The following LIG1 variants were observed in gnomAD, a reference collection of about 807,000 sequenced individuals.
LIG1 encodes the protein ligase I, DNA, ATP-dependent.
Under a neutral mutation model 115.7 loss-of-function variants are expected in LIG1, and 70 were observed. The observed-to-expected ratio is 0.60, with a 90% CI of 0.50 to 0.74. LIG1 has a LOEUF of 0.74. Ranked by LOEUF, LIG1 falls within the 30% of genes least tolerant of loss-of-function variation. The pLI is 0.00. For missense variants in LIG1, 1,115 were observed against 1,225.6 expected, an observed-to-expected ratio of 0.91 and a Z score of 1.35; for synonymous variants, 487 against 495.3, an observed-to-expected ratio of 0.98 and a Z score of 0.22.
chr19:48,118,784 C>G (rs146123533), intron 25 of LIG1, among the ~76,000 whole-genome samples: 1 of 152,312 alleles, frequency 6.6e-6, no homozygotes, highest in Non-Finnish European at 1.5e-5. Context: ...GACACTCATG[C>G]CTGAAATGCC....
Position 48,117,712 on chromosome 19 carries a change from C to G in LIG1, c.2509G>C (p.Asp837His). The G allele has an allele frequency of 1.2e-6, 2 of 1,612,950 alleles. No homozygotes were observed. The highest frequency in any genetic ancestry group is 1.7e-6 in the Non-Finnish European group (2 of 1,179,716). Reference sequence around the variant, plus strand: ...TTCACCTCCCACACAGCGCTGGGGTCCAGCCAGTGGTCGGGAATCACAGCG... The same window carrying G: ...TTCACCTCCCACACAGCGCTGGGGTGCAGCCAGTGGTCGGGAATCACAGCG... ...DGAVIPDHWL[D>H]PSAVWEVKCA... Residue 837 changes from aspartate to histidine, a missense_variant, in exon 26 of 28, where the codon GAC becomes CAC. Coordinates refer to ENST00000263274, the MANE Select transcript of LIG1 (RefSeq NM_000234.3).
At chr19:48,127,242 C>T (rs377738521) in intron 21 of LIG1, 35 bp downstream of exon 21, 22 of 1,577,122 alleles carry the variant, frequency 1.4e-5, no homozygotes, top group African/African-American at 8.1e-5. Flanking sequence ...CCCCGTCACC[C>T]CTCAGCTGCC....
intron 7 of LIG1, among the ~76,000 whole-genome samples, chr19:48,150,959 C>T (rs1304434052): frequency 6.6e-6 from 1 of 151,976 alleles, no homozygotes; most frequent in Non-Finnish European, 1.5e-5. Flanking sequence ...CCTCAGCCTC[C>T]CAAAGAGCTA....
intron 6 of LIG1, among the ~76,000 whole-genome samples, chr19:48,153,204 A>AG: frequency 6.6e-6 from 1 of 151,722 alleles, no homozygotes; most frequent in East Asian, 1.9e-4. Flanking sequence ...AAAAAAAAAA[A>AG]AAAAAAAAAG....
At chr19:48,164,360 C>G (rs546003140) in intron 2 of LIG1, among the ~76,000 whole-genome samples, 1 of 152,290 alleles carries the variant, frequency 6.6e-6, no homozygotes, top group East Asian at 1.9e-4. Flanking sequence ...GATGGATGCC[C>G]TTGTCTGGGT....
At chr19:48,157,893 C>A (rs1365113426) in intron 4 of LIG1, among the ~76,000 whole-genome samples, 1 of 152,182 alleles carries the variant, frequency 6.6e-6, no homozygotes, top group Non-Finnish European at 1.5e-5. Context: ...TCGCATGTTG[C>A]AATTTGGTCT....
At chr19:48,141,274 T>C (rs1399704226) in intron 11 of LIG1, among the ~76,000 whole-genome samples, 1 of 152,230 alleles carries the variant, frequency 6.6e-6, no homozygotes, top group Non-Finnish European at 1.5e-5. Context: ...GGACTACCGG[T>C]GCGCACCACC....
chr19:48,168,916 G>T (rs2036616470), intron 1 of LIG1, among the ~76,000 whole-genome samples: 1 of 152,082 alleles, frequency 6.6e-6, no homozygotes, highest in African/African-American at 2.4e-5. Flanking sequence ...GGGCAAAATT[G>T]TACACTTTAA....
chr19:48,143,968 G>A lies in LIG1; in HGVS notation c.777-5C>T, dbSNP rs3730932. ...TAACCAGATGGATCCAGGGGTCTAC[G>A]GAGGCAAAACGGAGATTGAATTGCA... On this transcript the variant is annotated splice_region_variant and splice_polypyrimidine_tract_variant and intron_variant, in intron 9 of 27. Coordinates refer to ENST00000263274, the MANE Select transcript of LIG1 (RefSeq NM_000234.3). 2.1e-3 allele frequency: 3,399 copies of A among 1,611,586 alleles called. 63 individuals are homozygous for A. In the African/African-American group the frequency reaches 0.039, roughly 18 times the overall value.
At chr19:48,134,189 C>T in intron 16 of LIG1, 123 bp from the exon 17 acceptor site, 1 of 789,142 alleles carries the variant, frequency 1.3e-6, no homozygotes, top group Non-Finnish European at 2.1e-6. Context: ...TGAGTCACCA[C>T]CTGCCAAGCT....
intron 22 of LIG1, 57 bp from the exon 23 acceptor site, chr19:48,123,073 C>T: frequency 6.2e-7 from 1 of 1,611,458 alleles, no homozygotes; most frequent in Non-Finnish European, 8.5e-7. Flanking sequence ...AGCGCCGGAG[C>T]AGGCAGGATT....
At chr19:48,121,726 G>A (rs531949460) in intron 23 of LIG1, among the ~76,000 whole-genome samples, 6 of 152,290 alleles carry the variant, frequency 3.9e-5, no homozygotes, top group Non-Finnish European at 2.9e-5. Context: ...GCTTGAACCC[G>A]GGAGGCGGAG....
intron 18 of LIG1, among the ~76,000 whole-genome samples, chr19:48,131,934 CTTTTT>C (rs34833018): frequency 7.6e-6 from 1 of 131,878 alleles, no homozygotes; most frequent in African/African-American, 2.9e-5. Context: ...TGGATCCACC[CTTTTT>C]TTTTTTTTTT....
intron 5 of LIG1, among the ~76,000 whole-genome samples, chr19:48,155,107 T>G (rs755379320): frequency 6.6e-6 from 1 of 152,104 alleles, no homozygotes; most frequent in Non-Finnish European, 1.5e-5. Flanking sequence ...AACCTCAGCG[T>G]CCACCTGGAG....
At chr19:48,170,106 C>A in intron 1 of LIG1, 135 bp downstream of exon 1, 1 of 423,858 alleles carries the variant, frequency 2.4e-6, no homozygotes. Flanking sequence ...TCCGTCTCCA[C>A]CGCGCTCTCG....
At position 48,165,663 on chromosome 19, in the gene LIG1, G is replaced by A. The variant is rs774010510; in HGVS notation, c.-57-40C>T. ...CAAACACTTGTTGAGGTGATTGGTT[G>A]TGCAGAGATCTAAACACACATAAAA... On this transcript the variant is annotated intron_variant, in intron 1 of 27. Coordinates refer to ENST00000263274, the MANE Select transcript of LIG1 (RefSeq NM_000234.3). The A allele has an allele frequency of 6.2e-6, 9 of 1,450,986 alleles. No individual in the cohort carries two copies. The African/African-American group carries it at 1.1e-4, about 18-fold the overall frequency. The allele number at this position is 1,450,986 out of a possible 1,614,324, so 89.9% of individuals were successfully genotyped here.
intron 4 of LIG1, 30 bp from the exon 5 acceptor site, chr19:48,157,170 A>G (rs1451707407): frequency 1.3e-6 from 2 of 1,581,980 alleles, no homozygotes; most frequent in Non-Finnish European, 1.7e-6. Context: ...TTCTAGAGTG[A>G]GCGGGGGAAG....
In LIG1 at chr19:48,122,837, A is replaced by AG. The variant is rs2033386362; in HGVS notation, c.2232+96dup. On this transcript the variant is annotated intron_variant, in intron 23 of 27. Transcript: ENST00000263274. This position sits in a 1 kb window ranked among gnomAD's most constrained non-coding sequence, Gnocchi z 4.3. ...GATTGTGAAAAGGGGCCCTGAGCTCAGACAGGGTACACAGTGGAGGCTCGA... is the reference window on the plus strand; with the variant it reads ...GATTGTGAAAAGGGGCCCTGAGCTCAGGACAGGGTACACAGTGGAGGCTCGA... 9.0e-7 allele frequency: 1 copy of AG among 1,115,482 alleles called. No individual in the cohort carries two copies. The highest frequency in any genetic ancestry group is 1.4e-6 in the Non-Finnish European group (1 of 725,294). 69.1% of individuals were successfully genotyped at this position (1,115,482 alleles called of 1,614,324 possible). A position where few individuals can be genotyped will look rare whatever the true frequency, so the allele number is the denominator to read the frequency against.
At chr19:48,144,961 G>C (rs1480075412) in intron 9 of LIG1, among the ~76,000 whole-genome samples, 1 of 152,124 alleles carries the variant, frequency 6.6e-6, no homozygotes, top group African/African-American at 2.4e-5. Context: ...GCCCAGGCTA[G>C]AGTGCAGTGG....
Sources: allele counts gnomAD v4.1 joint callset (sites outside exome capture counted in the v4.1 genomes callset), GRCh38; gene constraint gnomAD v4.1.1; non-coding constraint Gnocchi (gnomAD v3.1); transcripts MANE v1.5; gene names NCBI Gene and HGNC (gene_info 2026-07-23, HGNC 2026-07-21).